Variants in CR1 observed in about 807,000 individuals in gnomAD.
CR1 encodes complement C3b/C4b receptor 1 (Knops blood group).
CR1 carries 116 observed loss-of-function variants against 187.3 expected under a neutral mutation model. The ratio of observed to expected loss-of-function variants is 0.62; its 90% CI spans 0.53 to 0.72. CR1 has a LOEUF of 0.72. Among genes scored for constraint, CR1 ranks in the 30% least tolerant of loss-of-function variants. The probability of loss-of-function intolerance (pLI) is 0.00; values close to 1 mark genes in which losing one functional copy is unlikely to be tolerated. For missense variants in CR1, 1,731 were observed against 2,110.7 expected, an observed-to-expected ratio of 0.82 and a Z score of 3.52; for synonymous variants, 576 against 747.1, an observed-to-expected ratio of 0.77 and a Z score of 3.73.
chr1:207,638,524 G>A (rs1216253660), intron 46 of CR1, among the ~76,000 whole-genome samples: 1 of 152,144 alleles, frequency 6.6e-6, no homozygotes, highest in Non-Finnish European at 1.5e-5. Context: ...TGTTTTCCTT[G>A]AATAATGGCC....
chr1:207,633,916 A>G (rs1230070635), intron 46 of CR1, among the ~76,000 whole-genome samples: 2 of 152,112 alleles, frequency 1.3e-5, no homozygotes, highest in African/African-American at 4.8e-5. Context: ...ATTACAGTCA[A>G]CGGGGCTTTG....
chr1:207,609,452 G>C lies in CR1; in HGVS notation c.6059G>C (p.Ser2020Thr), dbSNP rs1314265094. Residue 2020 changes from serine (S) to threonine (T), a missense_variant, in exon 37 of 47, where the codon AGC (serine) becomes ACC (threonine). Ser to Thr is a moderately conservative substitution (Grantham distance 58). Transcript: ENST00000367049. The part of the protein sequence containing the change: ...LVGERSIYCT[S>T]KDDQVGVWSS... ...GGAGAACGGTCAATATATTGCACCA[G>C]CAAAGATGATCAAGTTGGTGTTTGG... The C allele has an allele frequency of 3.7e-6, 6 of 1,614,030 alleles. No individual in the cohort carries two copies. The highest frequency in any genetic ancestry group is 5.1e-6 in the Non-Finnish European group (6 of 1,179,886).
chr1:207,581,534 A>G (rs973179333), intron 31 of CR1, among the ~76,000 whole-genome samples: 5 of 151,994 alleles, frequency 3.3e-5, no homozygotes, highest in Non-Finnish European at 5.9e-5. Context: ...TGTTAAGAAA[A>G]GTTTGATATA....
At chr1:207,630,280 T>C (rs1445881319) in intron 45 of CR1, among the ~76,000 whole-genome samples, 1 of 152,216 alleles carries the variant, frequency 6.6e-6, no homozygotes, top group Non-Finnish European at 1.5e-5. Context: ...CTATAAACAA[T>C]TTAGAGTACT....
At chr1:207,617,708 T>G in intron 41 of CR1, among the ~76,000 whole-genome samples, 1 of 146,484 alleles carries the variant, frequency 6.8e-6, no homozygotes, top group Admixed American at 6.9e-5. Flanking sequence ...TATATTAGTC[T>G]GGCTTTAAAC....
intron 46 of CR1, among the ~76,000 whole-genome samples, chr1:207,634,488 G>C (rs1662751243): frequency 1.3e-5 from 2 of 152,132 alleles, no homozygotes; most frequent in South Asian, 4.1e-4. Flanking sequence ...AAAGAGGCAG[G>C]CTCCAAAGAC....
intron 1 of CR1, among the ~76,000 whole-genome samples, chr1:207,504,346 ATATTT>A (rs1179029011): frequency 6.6e-6 from 1 of 152,192 alleles, no homozygotes; most frequent in East Asian, 1.9e-4. Context: ...AGAGGCAGAG[ATATTT>A]TATTATAATA....
chr1:207,625,387 A>T (rs980651339), intron 45 of CR1, among the ~76,000 whole-genome samples: 24 of 152,374 alleles, frequency 1.6e-4, no homozygotes, highest in East Asian at 1.2e-3. Context: ...CCTCCCAAAC[A>T]TCTATGTAAC....
chr1:207,510,179 C>G (rs1373343783), intron 3 of CR1, among the ~76,000 whole-genome samples: 2 of 152,072 alleles, frequency 1.3e-5, no homozygotes, highest in Admixed American at 1.3e-4. Context: ...TGCACTCCAG[C>G]CTTGGCGACA....
intron 41 of CR1, 78 bp from the exon 42 acceptor site, chr1:207,617,993 T>A: frequency 6.8e-7 from 1 of 1,469,874 alleles, no homozygotes; most frequent in African/African-American, 1.4e-5. Flanking sequence ...GCCAGAGATA[T>A]TGGATGTGTT....
rs1370761323 is a variant in CR1, at chr1:207,641,277, C to T, written c.*1868C>T. On this transcript the variant is annotated 3_prime_UTR_variant, in exon 47 of 47. Transcript: ENST00000367049. Reference sequence around the variant, plus strand: ...TTACAAGAAAAAAAAATCCTGTGTTCTTTTTTTTTTCCAGAATGGAGTAGG... The same window carrying T: ...TTACAAGAAAAAAAAATCCTGTGTTTTTTTTTTTTTCCAGAATGGAGTAGG... 7 of 148,786 alleles carry T rather than the reference C, an allele frequency of 4.7e-5. No homozygotes were observed. The highest frequency in any genetic ancestry group is 1.7e-4 in the African/African-American group (7 of 40,582). 9.2% of individuals were successfully genotyped at this position (148,786 alleles called of 1,614,324 possible).
intron 1 of CR1, among the ~76,000 whole-genome samples, chr1:207,498,879 A>AAAAAAAAAAAAAAAAAT: frequency 6.8e-6 from 1 of 146,476 alleles, no homozygotes. Flanking sequence ...CTCCAAATCA[A>AAAAAAAAAAAAAAAAAT]AAAAAAAAAA....
At chr1:207,580,168 C>CTATG (rs1660888309) in intron 29 of CR1, 72 bp from the exon 30 acceptor site, 6 of 1,574,792 alleles carry the variant, frequency 3.8e-6, no homozygotes, top group Non-Finnish European at 5.2e-6. Context: ...CTCTGACTAG[C>CTATG]TATGAGGTCT....
intron 46 of CR1, among the ~76,000 whole-genome samples, 170 bp downstream of exon 46, chr1:207,630,791 T>A (rs1246923576): frequency 6.6e-6 from 1 of 152,184 alleles, no homozygotes; most frequent in Non-Finnish European, 1.5e-5. Flanking sequence ...TTATTGTCAT[T>A]TCCAATGTTT....
intron 41 of CR1, among the ~76,000 whole-genome samples, chr1:207,617,571 G>GTT (rs1662158730): frequency 7.2e-5 from 1 of 13,818 alleles, no homozygotes; most frequent in African/African-American, 2.3e-4. Flanking sequence ...ATATATATGT[G>GTT]TGTGTGTATA....
At chr1:207,597,449 T>C (rs1208197229) in intron 35 of CR1, among the ~76,000 whole-genome samples, 3 of 152,188 alleles carry the variant, frequency 2.0e-5, no homozygotes, top group Non-Finnish European at 4.4e-5. Context: ...GTGATAGACA[T>C]GTCTCCAAGG....
intron 39 of CR1, 45 bp from the exon 40 acceptor site, chr1:207,614,359 G>A (rs542297362): frequency 2.1e-6 from 3 of 1,456,228 alleles, no homozygotes; most frequent in Non-Finnish European, 2.9e-6. Context: ...TCAAGGGAGA[G>A]ATGGGAATTG....
intron 4 of CR1, among the ~76,000 whole-genome samples, chr1:207,512,768 G>A (rs1444887574): frequency 1.3e-5 from 2 of 152,030 alleles, no homozygotes; most frequent in Non-Finnish European, 1.5e-5. Flanking sequence ...AATTGGAATA[G>A]GAATTTTCCT....
chr1:207,612,455 A>C (rs1389057389), intron 39 of CR1, among the ~76,000 whole-genome samples: 1 of 152,236 alleles, frequency 6.6e-6, no homozygotes, highest in Non-Finnish European at 1.5e-5. Flanking sequence ...CAATAGTGGA[A>C]TCTGTAATAG....
Sources: allele counts gnomAD v4.1 joint callset (sites outside exome capture counted in the v4.1 genomes callset), GRCh38; gene constraint gnomAD v4.1.1; transcripts MANE v1.5; gene names NCBI Gene and HGNC (gene_info 2026-07-23, HGNC 2026-07-21).